SGCD: variants seen among roughly 807,000 people sequenced by gnomAD.
The protein encoded by SGCD is sarcoglycan delta.
A neutral mutation model predicts 36.6 loss-of-function variants in SGCD; 18 were observed. The ratio of observed to expected loss-of-function variants is 0.49; its 90% CI spans 0.34 to 0.73. SGCD has a LOEUF of 0.73. SGCD is among the 30% of genes least tolerant of loss of function. The pLI is 0.01. For missense variants in SGCD, 387 were observed against 346.7 expected (o/e 1.12, Z -0.92); for synonymous variants, 133 against 130.6 (o/e 1.02, Z -0.12).
chr5:156,416,678 A>C (rs893094809), intron 3 of SGCD, among the ~76,000 whole-genome samples: 2 of 151,922 alleles, frequency 1.3e-5, no homozygotes, highest in Non-Finnish European at 2.9e-5. Context: ...CCTTGGACAA[A>C]CTCCTTCATC....
chr5:156,459,537 TAC>T (rs1173442256), intron 3 of SGCD, among the ~76,000 whole-genome samples: 1 of 152,188 alleles, frequency 6.6e-6, no homozygotes, highest in Non-Finnish European at 1.5e-5. Flanking sequence ...GGCCACATCT[TAC>T]ACAGGAAGAA....
chr5:156,628,305 G>A (rs1038456507), intron 6 of SGCD, among the ~76,000 whole-genome samples: 2 of 152,160 alleles, frequency 1.3e-5, no homozygotes, highest in African/African-American at 4.8e-5. Flanking sequence ...TGAGATTTGG[G>A]TGGGGACACA....
At chr5:156,719,076 C>G (rs370290588) in intron 7 of SGCD, among the ~76,000 whole-genome samples, 4 of 151,778 alleles carry the variant, frequency 2.6e-5, no homozygotes, top group South Asian at 2.1e-4. Flanking sequence ...CACACACATA[C>G]AGAGAGAGAG....
At chr5:156,543,956 C>T (rs1465441514) in intron 4 of SGCD, among the ~76,000 whole-genome samples, 1 of 152,196 alleles carries the variant, frequency 6.6e-6, no homozygotes. Context: ...AGGAGATTAA[C>T]AGCATCTCTT....
chr5:156,014,288 A>AC (rs1758919032), intron 1 of SGCD, among the ~76,000 whole-genome samples: 1 of 151,904 alleles, frequency 6.6e-6, no homozygotes, highest in African/African-American at 2.4e-5. Flanking sequence ...TTAAATGTAG[A>AC]CCCCTCTCCT....
chr5:156,032,595 G>T (rs372526462), intron 1 of SGCD, among the ~76,000 whole-genome samples: 2 of 149,524 alleles, frequency 1.3e-5, no homozygotes, highest in South Asian at 2.1e-4. Context: ...GCAGGCGCCG[G>T]TATTCTCAGC....
chr5:156,343,102 A>T (rs1340696271), intron 2 of SGCD, among the ~76,000 whole-genome samples: 1 of 114,658 alleles, frequency 8.7e-6, no homozygotes, highest in African/African-American at 4.0e-5. Context: ...TTTAATGATT[A>T]TCTAAAAACC....
chr5:156,610,524 A>G (rs1761743500), intron 6 of SGCD, among the ~76,000 whole-genome samples: 1 of 152,240 alleles, frequency 6.6e-6, no homozygotes, highest in African/African-American at 2.4e-5. Flanking sequence ...GTCCGTTCTC[A>G]GATCTCCAGC....
chr5:156,503,976 G>C (rs980792314), intron 3 of SGCD, among the ~76,000 whole-genome samples: 2 of 152,078 alleles, frequency 1.3e-5, no homozygotes, highest in Non-Finnish European at 2.9e-5. Context: ...GGCTGAGGCA[G>C]GTGGATCACC....
intron 3 of SGCD, among the ~76,000 whole-genome samples, chr5:156,397,111 C>A (rs1771898683): frequency 6.6e-6 from 1 of 152,196 alleles, no homozygotes; most frequent in African/African-American, 2.4e-5. Context: ...TTAACCTGAG[C>A]AGGCTGGCAT....
At chr5:156,694,127 A>T (rs1754217017) in intron 7 of SGCD, among the ~76,000 whole-genome samples, 1 of 152,206 alleles carries the variant, frequency 6.6e-6, no homozygotes, top group Non-Finnish European at 1.5e-5. Context: ...GGTAAAATAT[A>T]ACATCTCCAG....
rs987783500 is a variant in SGCD at position 156,253,293 on chromosome 5, A to G, written c.-43-76241A>G. 1.7e-4 allele frequency among the ~76,000 whole-genome samples: 26 copies of G among 152,176 alleles called. 1 individual carries two copies. Among genetic ancestry groups the G allele is most frequent in the African/African-American group, 6.0e-4 (25 of 41,446 alleles). ...TCCACGAGTCTCCATCTCTTTGCAT[A>G]TCACGAGCCAACATGTGAGACCTCT... On this transcript the variant is annotated intron_variant, in intron 3 of 9. Coordinates refer to the SGCD transcript ENST00000517913.
At chr5:156,141,207 G>A (rs1762570853) in intron 3 of SGCD, among the ~76,000 whole-genome samples, 1 of 152,218 alleles carries the variant, frequency 6.6e-6, no homozygotes, top group South Asian at 2.1e-4. Flanking sequence ...TCAGGACCCA[G>A]GCAGAGAATT....
intron 6 of SGCD, among the ~76,000 whole-genome samples, chr5:156,627,665 T>A (rs973629681): frequency 5.3e-5 from 8 of 152,222 alleles, no homozygotes; most frequent in African/African-American, 1.7e-4. Flanking sequence ...CTTAGAACAG[T>A]TAAAAGGCTC....
At chr5:156,650,806 T>A (rs1763429572) in intron 7 of SGCD, among the ~76,000 whole-genome samples, 1 of 152,190 alleles carries the variant, frequency 6.6e-6, no homozygotes, top group Non-Finnish European at 1.5e-5. Flanking sequence ...AGTGCCTATG[T>A]CATTTTGATA....
At chr5:155,886,957 G>C (rs985233477) in intron 1 of SGCD, among the ~76,000 whole-genome samples, 1 of 152,170 alleles carries the variant, frequency 6.6e-6, no homozygotes, top group Non-Finnish European at 1.5e-5. Context: ...GCCCTTGGTA[G>C]GGAAGCCACA....
At position 156,759,452 on chromosome 5, in the gene SGCD, C is replaced by A; in HGVS notation, c.*62C>A. On this transcript the variant is annotated 3_prime_UTR_variant, in exon 9 of 9. Transcript: ENST00000337851. ...GGCCTTTTTTGGCTTTAGACACTGG[C>A]TGCCAGCTATTTTTACTAGAACACA... is the stretch of plus-strand genomic sequence containing the variant. 2 of 1,186,352 alleles carry A rather than the reference C, an allele frequency of 1.7e-6. No homozygotes were observed. The highest frequency in any genetic ancestry group is 1.5e-5 in the African/African-American group (1 of 65,586). 73.5% of individuals were successfully genotyped at this position (1,186,352 alleles called of 1,614,324 possible).
chr5:155,825,996 C>T, the SGCD span, among the ~76,000 whole-genome samples: 7 of 152,256 alleles, frequency 4.6e-5, no homozygotes, highest in South Asian at 6.2e-4. Flanking sequence ...GTGATCCACC[C>T]GCCTTGGTCT....
At chr5:156,137,813 T>G (rs1232505331) in intron 3 of SGCD, among the ~76,000 whole-genome samples, 2 of 152,208 alleles carry the variant, frequency 1.3e-5, no homozygotes, top group Non-Finnish European at 2.9e-5. Context: ...TTCTGTCACC[T>G]AACCCTCATG....
Sources: allele counts gnomAD v4.1 joint callset (sites outside exome capture counted in the v4.1 genomes callset), GRCh38; gene constraint gnomAD v4.1.1; transcripts MANE v1.5; gene names NCBI Gene and HGNC (gene_info 2026-07-23, HGNC 2026-07-21).